The following CDH18 variants were observed in gnomAD, a reference collection of about 807,000 sequenced individuals.
CDH18 encodes cadherin 18.
A neutral mutation model predicts 67.9 loss-of-function variants in CDH18; 31 were observed. That is an observed-to-expected ratio of 0.46 (90% CI 0.34 to 0.62). The LOEUF (loss-of-function observed/expected upper bound fraction) is 0.62. CDH18 is among the 20% of genes least tolerant of loss of function. CDH18 has a pLI of 0.01. For missense variants in CDH18, 890 were observed against 975.5 expected, an observed-to-expected ratio of 0.91 and a Z score of 1.17; for synonymous variants, 362 against 347.2, an observed-to-expected ratio of 1.04 and a Z score of -0.48.
intron 1 of CDH18, among the ~76,000 whole-genome samples, chr5:20,468,154 A>G (rs1252994206): frequency 2.6e-5 from 4 of 152,142 alleles, no homozygotes; most frequent in Non-Finnish European, 5.9e-5. Flanking sequence ...AGCTAGGATT[A>G]CAGGTGCCCA....
At chr5:19,941,411 G>A (rs1401480657) in intron 2 of CDH18, among the ~76,000 whole-genome samples, 1 of 152,028 alleles carries the variant, frequency 6.6e-6, no homozygotes, top group African/African-American at 2.4e-5. Context: ...GGTTGAGACG[G>A]GACTGAGTAG....
chr5:19,664,747 A>G (rs923302103), intron 5 of CDH18, among the ~76,000 whole-genome samples: 1 of 151,948 alleles, frequency 6.6e-6, no homozygotes, highest in Non-Finnish European at 1.5e-5. Flanking sequence ...TATGCCCCTC[A>G]CTGCATTAAA....
chr5:20,266,555 C>T (rs940981252), intron 1 of CDH18, among the ~76,000 whole-genome samples: 7 of 144,754 alleles, frequency 4.8e-5, no homozygotes, highest in East Asian at 2.1e-4. Flanking sequence ...AGGCACGTGC[C>T]GGCACGCCCG....
intron 1 of CDH18, among the ~76,000 whole-genome samples, chr5:20,274,980 C>A (rs879371208): frequency 6.6e-6 from 1 of 152,042 alleles, no homozygotes; most frequent in Non-Finnish European, 1.5e-5. Flanking sequence ...ACCCTTTCCA[C>A]AAAGACCATA....
At chr5:19,666,112 C>T (rs1361734468) in intron 5 of CDH18, among the ~76,000 whole-genome samples, 1 of 151,578 alleles carries the variant, frequency 6.6e-6, no homozygotes, top group Admixed American at 6.6e-5. Context: ...CTCTGTCACC[C>T]AGGCTGGAGT....
Position 19,908,322 on chromosome 5 carries a change from T to A in CDH18, c.-256-69080A>T, listed in dbSNP as rs1406690216. On this transcript the variant is annotated intron_variant, in intron 2 of 12. Transcript: ENST00000382275. ...CATGCTTCTTATTTATATACAGAAA[T>A]GAAAACTTTAATCTCATTTAACTAA... Among the ~76,000 whole-genome samples the A allele has an allele frequency of 3.3e-5, 5 of 152,222 alleles. No individual in the cohort carries two copies. In the East Asian group the frequency reaches 9.6e-4, roughly 29 times the overall value.
At chr5:20,376,266 T>C (rs1425079731) in intron 1 of CDH18, among the ~76,000 whole-genome samples, 1 of 151,354 alleles carries the variant, frequency 6.6e-6, no homozygotes, top group African/African-American at 2.4e-5. Flanking sequence ...GCTAATTTTT[T>C]GTATTTTTAG....
intron 2 of CDH18, among the ~76,000 whole-genome samples, chr5:20,078,923 G>C (rs1744208332): frequency 6.6e-6 from 1 of 152,056 alleles, no homozygotes; most frequent in Admixed American, 6.6e-5. Context: ...GCCCCTTTTA[G>C]TATAATTTTA....
At chr5:20,377,039 G>A (rs1743512139) in intron 1 of CDH18, among the ~76,000 whole-genome samples, 1 of 151,710 alleles carries the variant, frequency 6.6e-6, no homozygotes, top group Admixed American at 6.6e-5. Context: ...AAAATATTAG[G>A]TCAGGCCATA....
chr5:19,801,308 A>G (rs897732525), intron 3 of CDH18, among the ~76,000 whole-genome samples: 2 of 152,188 alleles, frequency 1.3e-5, no homozygotes, highest in Non-Finnish European at 2.9e-5. Context: ...TACGTTAATC[A>G]CTATTTTACA....
chr5:20,421,075 C>A (rs376384247), intron 1 of CDH18, among the ~76,000 whole-genome samples: 1 of 150,612 alleles, frequency 6.6e-6, no homozygotes, highest in Admixed American at 6.6e-5. Context: ...TGATTTTTTC[C>A]CTATTTATCA....
At chr5:20,277,999 T>C (rs1462037100) in intron 1 of CDH18, among the ~76,000 whole-genome samples, 1 of 151,902 alleles carries the variant, frequency 6.6e-6, no homozygotes, top group Admixed American at 6.6e-5. Context: ...ATAACAATAA[T>C]GAAGCCTACC....
chr5:20,376,455 G>C (rs947126061), intron 1 of CDH18, among the ~76,000 whole-genome samples: 4 of 151,356 alleles, frequency 2.6e-5, no homozygotes, highest in African/African-American at 7.3e-5. Context: ...TTATGAAAGT[G>C]ATCATATGTG....
chr5:20,370,874 T>C (rs769425129), intron 1 of CDH18, among the ~76,000 whole-genome samples: 9 of 151,938 alleles, frequency 5.9e-5, no homozygotes, highest in Non-Finnish European at 1.0e-4. Flanking sequence ...CCATGTCTAC[T>C]AAAAATATGA....
At chr5:20,433,211 T>C (rs1748903288) in intron 1 of CDH18, among the ~76,000 whole-genome samples, 1 of 151,044 alleles carries the variant, frequency 6.6e-6, no homozygotes, top group Non-Finnish European at 1.5e-5. Flanking sequence ...ATAAAGCTCT[T>C]AAAGGAGCAG....
At chr5:20,139,600 A>T (rs765179666) in intron 2 of CDH18, among the ~76,000 whole-genome samples, 125 of 152,194 alleles carry the variant, frequency 8.2e-4, no homozygotes, top group Non-Finnish European at 1.6e-3. Flanking sequence ...GAATCTACAA[A>T]GAACTCAAAC....
chr5:20,106,875 TATAAC>T (rs1272572928), intron 2 of CDH18, among the ~76,000 whole-genome samples: 1 of 152,188 alleles, frequency 6.6e-6, no homozygotes, highest in Non-Finnish European at 1.5e-5. Context: ...ATGAAGCTAA[TATAAC>T]ATGACAAAAA....
chr5:20,067,557 C>A (rs189452533), intron 2 of CDH18, among the ~76,000 whole-genome samples: 1 of 151,982 alleles, frequency 6.6e-6, no homozygotes, highest in Non-Finnish European at 1.5e-5. Flanking sequence ...TAGCTCTCAC[C>A]CAAATAAAGT....
chr5:19,846,905 G>C (rs527362073), intron 2 of CDH18, among the ~76,000 whole-genome samples: 1 of 139,476 alleles, frequency 7.2e-6, no homozygotes, highest in African/African-American at 2.6e-5. Flanking sequence ...ATTTTTTGTC[G>C]GCAAGATTTT....
Sources: allele counts gnomAD v4.1 joint callset (sites outside exome capture counted in the v4.1 genomes callset), GRCh38; gene constraint gnomAD v4.1.1; transcripts MANE v1.5; gene names NCBI Gene and HGNC (gene_info 2026-07-23, HGNC 2026-07-21).